The following TNRC18 variants were observed in gnomAD, a reference collection of about 807,000 sequenced individuals.
TNRC18 encodes the protein trinucleotide repeat-containing gene 18 protein.
A neutral mutation model predicts 226.7 loss-of-function variants in TNRC18; 69 were observed. That is an observed-to-expected ratio of 0.30 (90% CI 0.25 to 0.37). The LOEUF is 0.37. TNRC18 is among the 10% of genes least tolerant of loss of function. The pLI, the probability that TNRC18 is intolerant of heterozygous loss-of-function variation, is 1.00. For synonymous variants in TNRC18, 2,449 were observed against 1,927.6 expected, an observed-to-expected ratio of 1.27 and a Z score of -7.09; for missense variants, 4,754 against 4,256.6, an observed-to-expected ratio of 1.12 and a Z score of -3.25.
At chr7:5,369,214 G>A (rs945610637) in intron 11 of TNRC18, among the ~76,000 whole-genome samples, 59 of 152,164 alleles carry the variant, frequency 3.9e-4, no homozygotes, top group African/African-American at 1.3e-3. Context: ...CAGGCATGGT[G>A]GCACATGCCT....
intron 22 of TNRC18, among the ~76,000 whole-genome samples, chr7:5,320,853 G>A (rs1429737030): frequency 2.6e-5 from 4 of 152,220 alleles, no homozygotes; most frequent in South Asian, 2.1e-4. Flanking sequence ...ACCCCTTCCC[G>A]CTGCGGAGCA....
chr7:5,376,345 G>T, intron 8 of TNRC18, 121 bp from the exon 9 acceptor site: 1 of 926,414 alleles, frequency 1.1e-6, no homozygotes, highest in Non-Finnish European at 1.5e-6. Flanking sequence ...TGGGCTCTCT[G>T]CGGGCCCCCG....
intron 2 of TNRC18, among the ~76,000 whole-genome samples, chr7:5,401,693 G>C (rs1401941959): frequency 1.3e-5 from 2 of 152,178 alleles, no homozygotes; most frequent in Admixed American, 6.6e-5. Flanking sequence ...ACAAGACGTG[G>C]GCCACATTTG....
chr7:5,315,392 G>T (rs1787748678), intron 25 of TNRC18, among the ~76,000 whole-genome samples: 1 of 151,298 alleles, frequency 6.6e-6, no homozygotes, highest in Non-Finnish European at 1.5e-5. Flanking sequence ...GGGACAGGTG[G>T]ATAAAGATGC....
chr7:5,330,422 T>G (rs1789403904), intron 19 of TNRC18, among the ~76,000 whole-genome samples: 1 of 151,654 alleles, frequency 6.6e-6, no homozygotes, highest in African/African-American at 2.4e-5. Context: ...TGTTTTTTTT[T>G]TTTGGTAGAG....
At chr7:5,308,419 T>G (rs144230593) in intron 29 of TNRC18, 107 bp from the exon 30 acceptor site, 2 of 1,028,060 alleles carry the variant, frequency 1.9e-6, no homozygotes, top group East Asian at 5.3e-5. Flanking sequence ...CCCCAGGGAC[T>G]GAGACAGAGA....
At chr7:5,314,437 G>GA (rs956161688) in intron 26 of TNRC18, among the ~76,000 whole-genome samples, 13 of 152,238 alleles carry the variant, frequency 8.5e-5, no homozygotes, top group African/African-American at 3.1e-4. Flanking sequence ...CTGGATTCTG[G>GA]AAAGAAACAC....
chr7:5,352,275 G>C (rs1247085251), intron 16 of TNRC18, among the ~76,000 whole-genome samples, 181 bp from the exon 17 acceptor site: 2 of 152,142 alleles, frequency 1.3e-5, no homozygotes, highest in Non-Finnish European at 2.9e-5. Flanking sequence ...CCCAGTCCAG[G>C]CTTCTCCCTT....
chr7:5,391,928 G>C (rs1236228440), intron 3 of TNRC18, among the ~76,000 whole-genome samples: 2 of 151,502 alleles, frequency 1.3e-5, no homozygotes, highest in Non-Finnish European at 1.5e-5. Context: ...AGGGTGCTGG[G>C]TAAGGGTCCT....
rs1213833138 is a variant in TNRC18 at position 5,309,534 on chromosome 7, C to T, written c.8389-166G>A. Among the ~76,000 whole-genome samples, 1 of 152,256 alleles carries T rather than the reference C, an allele frequency of 6.6e-6. No individual in the cohort carries two copies. Among genetic ancestry groups the T allele is most frequent in the African/African-American group, 2.4e-5 (1 of 41,478 alleles). On this transcript the variant is annotated intron_variant, in intron 27 of 29. Transcript: ENST00000430969. The surrounding 1 kb of genome is among the most constrained non-coding windows in gnomAD (Gnocchi z 5.7). ...CTTGTCTCGCTTCAAGTGGGGAAGC[C>T]CCTCTTCCATCTCTTTGACATGCTG...
intron 1 of TNRC18, chr7:5,423,075 G>A (rs1022225903): frequency 2.0e-5 from 3 of 152,210 alleles, no homozygotes; most frequent in Non-Finnish European, 4.4e-5. Flanking sequence ...CTTAAATGGA[G>A]TTAAAATGGC....
chr7:5,404,804 A>C (rs960752693), intron 2 of TNRC18, among the ~76,000 whole-genome samples: 4 of 147,996 alleles, frequency 2.7e-5, no homozygotes, highest in African/African-American at 1.1e-4. Context: ...ATAAAATGAA[A>C]AGGTGTCTCT....
rs944041677 is a variant in TNRC18 at position 5,324,223 on chromosome 7, G to A, written c.6433C>T (p.Leu2145=). Residue 2145 remains leucine (L), a synonymous_variant, in exon 21 of 30, where the codon CTG becomes TTG. Coordinates refer to ENST00000430969, the MANE Select transcript of TNRC18 (RefSeq NM_001080495.3). This position sits in a 1 kb window ranked among gnomAD's most constrained non-coding sequence, Gnocchi z 4.8. ...CATCACGGCCACTCACCCGGGGTCAGCGGCCGCTCCACAGCCCCGCCACGC... is the reference window on the plus strand; with the variant it reads ...CATCACGGCCACTCACCCGGGGTCAACGGCCGCTCCACAGCCCCGCCACGC... The part of the protein sequence containing the change: ...LPRGGAVERP[L]TPAPRSCIID... 2.4e-5 allele frequency: 38 copies of A among 1,605,148 alleles called. No individual in the cohort carries two copies. Among genetic ancestry groups the A allele is most frequent in the Non-Finnish European group, 3.0e-5 (35 of 1,177,368 alleles).
chr7:5,365,134 G>T (rs1054155757), intron 11 of TNRC18, among the ~76,000 whole-genome samples: 11 of 152,088 alleles, frequency 7.2e-5, no homozygotes, highest in African/African-American at 2.4e-4. Flanking sequence ...GTCTTTTCAA[G>T]ATAGGGTCTC....
chr7:5,341,806 C>T (rs1790718107), intron 18 of TNRC18, among the ~76,000 whole-genome samples: 1 of 148,064 alleles, frequency 6.8e-6, no homozygotes, highest in African/African-American at 2.5e-5. Context: ...GCCTTGGTAA[C>T]AGCATCTCAG....
At chr7:5,367,167 C>T (rs1403496303) in intron 11 of TNRC18, among the ~76,000 whole-genome samples, 1 of 151,980 alleles carries the variant, frequency 6.6e-6, no homozygotes, top group Non-Finnish European at 1.5e-5. Context: ...GAGTTCAAGA[C>T]CAGCATGGCC....
At position 5,325,328 on chromosome 7, in the gene TNRC18, A is replaced by G; in HGVS notation, c.6148-80T>C. The G allele has an allele frequency of 5.4e-6, 8 of 1,480,452 alleles. No individual in the cohort carries two copies. The South Asian group carries it at 8.8e-5, about 16-fold the overall frequency. 91.7% of individuals were successfully genotyped at this position (1,480,452 alleles called of 1,614,324 possible). A position where few individuals can be genotyped will look rare whatever the true frequency, so the allele number is the denominator to read the frequency against. On this transcript the variant is annotated intron_variant, in intron 19 of 29. Coordinates refer to ENST00000430969, the MANE Select transcript of TNRC18 (RefSeq NM_001080495.3). ...GCACCCCTGTCCCCCTCACTCACTCACCCCCAAGTTCTGTGCCACCCCAAG... is the reference window on the plus strand; with the variant it reads ...GCACCCCTGTCCCCCTCACTCACTCGCCCCCAAGTTCTGTGCCACCCCAAG...
intron 2 of TNRC18, among the ~76,000 whole-genome samples, chr7:5,400,760 C>T (rs1281704349): frequency 1.3e-5 from 2 of 152,088 alleles, no homozygotes; most frequent in African/African-American, 4.8e-5. Flanking sequence ...AAGCTGTAGC[C>T]TGGCGTGGTG....
At chr7:5,362,619 G>A (rs1793173578) in intron 12 of TNRC18, 31 bp downstream of exon 12, 1 of 1,511,450 alleles carries the variant, frequency 6.6e-7, no homozygotes, top group South Asian at 1.3e-5. Flanking sequence ...CTCCCCCGCG[G>A]ACCCCAGGGA....
Sources: gnomAD v4.1 joint callset for allele counts (sites outside exome capture counted in the v4.1 genomes callset) on GRCh38, gnomAD v4.1.1 for gene constraint, Gnocchi (gnomAD v3.1) non-coding constraint, MANE v1.5 for transcripts, NCBI Gene and HGNC (gene_info 2026-07-23, HGNC 2026-07-21) for gene names.